The following SH2D4B variants were observed in gnomAD, a reference collection of about 807,000 sequenced individuals.
SH2D4B encodes SH2 domain-containing protein 4B.
In SH2D4B, 45 loss-of-function variants were observed where a neutral mutation model predicts 61.5. The ratio of observed to expected loss-of-function variants is 0.73; its 90% CI spans 0.58 to 0.94. The LOEUF is 0.94. SH2D4B is among the 40% of genes least tolerant of loss of function. The pLI is 0.00. For missense variants in SH2D4B, 572 were observed against 574.2 expected (o/e 1.00, Z 0.04); for synonymous variants, 224 against 220.4 (o/e 1.02, Z -0.14).
At chr10:80,643,242 GTTCT>G (rs945525230) in intron 7 of SH2D4B, among the ~76,000 whole-genome samples, 6 of 149,248 alleles carry the variant, frequency 4.0e-5, no homozygotes, top group Non-Finnish European at 7.4e-5. Context: ...TCTTTAAGTG[GTTCT>G]TTTTTTTTTT....
chr10:80,583,716 C>T (rs1229271728), intron 3 of SH2D4B, among the ~76,000 whole-genome samples: 2 of 151,916 alleles, frequency 1.3e-5, no homozygotes, highest in Non-Finnish European at 2.9e-5. Flanking sequence ...AATGATAAGG[C>T]AGTTAGAAGA....
chr10:80,609,250 A>G (rs1451000303), intron 5 of SH2D4B, among the ~76,000 whole-genome samples, 174 bp from the exon 6 acceptor site: 1 of 152,068 alleles, frequency 6.6e-6, no homozygotes, highest in Admixed American at 6.5e-5. Flanking sequence ...TATGGGCACC[A>G]TGCTTAGCAT....
chr10:80,628,929 C>G (rs1207318649), intron 6 of SH2D4B, among the ~76,000 whole-genome samples: 1 of 151,636 alleles, frequency 6.6e-6, no homozygotes, highest in Non-Finnish European at 1.5e-5. Context: ...ACTCAGGAGC[C>G]TGAGGCAGGA....
rs540173722 is a variant in SH2D4B, at chr10:80,572,921, G to A, written c.495+1343G>A. 1.2e-3 allele frequency among the ~76,000 whole-genome samples: 134 copies of A among 110,086 alleles called. 1 individual carries two copies. The highest frequency in any genetic ancestry group is 4.2e-3 in the African/African-American group (124 of 29,820). 72.2% of individuals were successfully genotyped at this position (110,086 alleles called of 152,430 possible). A position where few individuals can be genotyped will look rare whatever the true frequency, so the allele number is the denominator to read the frequency against. ...GTGTGAGCCACTGCACCCGACCAAT[G>A]TTGGCCTTTTCATGTATGTTGCAAA... On this transcript the variant is annotated intron_variant, in intron 3 of 7. Transcript: ENST00000646907.
chr10:80,634,158 C>A (rs908346795), intron 6 of SH2D4B, 127 bp from the exon 7 acceptor site: 1 of 1,257,006 alleles, frequency 8.0e-7, no homozygotes, highest in Non-Finnish European at 1.0e-6. Context: ...TCCTTCCTGC[C>A]ACCCTGGACT....
intron 1 of SH2D4B, among the ~76,000 whole-genome samples, chr10:80,543,967 A>G (rs538548110): frequency 3.3e-5 from 4 of 121,470 alleles, no homozygotes; most frequent in Non-Finnish European, 6.7e-5. Flanking sequence ...GTCAAAACAG[A>G]CCACTCGGCT....
chr10:80,639,084 A>G (rs1432289761), intron 7 of SH2D4B, among the ~76,000 whole-genome samples: 1 of 152,206 alleles, frequency 6.6e-6, no homozygotes, highest in Non-Finnish European at 1.5e-5. Context: ...GTTTCCATGT[A>G]GTTGTGCAGT....
rs1840387781 is a variant in SH2D4B at position 80,645,792 on chromosome 10, A to C, written c.*1707A>C. 1 of 152,204 alleles carries C rather than the reference A, an allele frequency of 6.6e-6. No individual in the cohort carries two copies. Among genetic ancestry groups the C allele is most frequent in the Non-Finnish European group, 1.5e-5 (1 of 68,038 alleles). 9.4% of individuals were successfully genotyped at this position (152,204 alleles called of 1,614,324 possible). A position where few individuals can be genotyped will look rare whatever the true frequency, so the allele number is the denominator to read the frequency against. On this transcript the variant is annotated 3_prime_UTR_variant, in exon 8 of 8. Transcript: ENST00000646907. Reference sequence around the variant, plus strand: ...CCAGGATAAGAACCCATTATACAGAAGTGTTCAATAATATCAATTTTGCAA... The same window carrying C: ...CCAGGATAAGAACCCATTATACAGACGTGTTCAATAATATCAATTTTGCAA...
chr10:80,608,728 A>G (rs1229191344), intron 5 of SH2D4B, among the ~76,000 whole-genome samples: 1 of 151,952 alleles, frequency 6.6e-6, no homozygotes, highest in Non-Finnish European at 1.5e-5. Flanking sequence ...TTCCATCCGT[A>G]GTTACCAACG....
chr10:80,590,189 A>C (rs1009294766), intron 4 of SH2D4B, among the ~76,000 whole-genome samples: 8 of 152,142 alleles, frequency 5.3e-5, no homozygotes, highest in African/African-American at 1.9e-4. Flanking sequence ...CAGGCTAGGC[A>C]GGCTTCGGAT....
At chr10:80,596,730 A>C (rs1206738416) in intron 4 of SH2D4B, among the ~76,000 whole-genome samples, 1 of 152,214 alleles carries the variant, frequency 6.6e-6, no homozygotes, top group African/African-American at 2.4e-5. Flanking sequence ...AGTTTGTTTG[A>C]AATAACAGAA....
intron 6 of SH2D4B, among the ~76,000 whole-genome samples, chr10:80,615,012 G>A (rs1257583291): frequency 6.6e-6 from 1 of 152,228 alleles, no homozygotes; most frequent in African/African-American, 2.4e-5. Context: ...CATCCTGCAG[G>A]GAGGAAACCC....
intron 4 of SH2D4B, among the ~76,000 whole-genome samples, chr10:80,595,827 G>C (rs568230769): frequency 6.6e-6 from 1 of 152,340 alleles, no homozygotes; most frequent in African/African-American, 2.4e-5. Flanking sequence ...CCTATCATTG[G>C]TTTATGGGAG....
chr10:80,626,001 G>A (rs1250477928), intron 6 of SH2D4B, among the ~76,000 whole-genome samples: 1 of 152,130 alleles, frequency 6.6e-6, no homozygotes, highest in Non-Finnish European at 1.5e-5. Context: ...ACTCCCTACT[G>A]CTAAGATATT....
intron 5 of SH2D4B, 125 bp from the exon 6 acceptor site, chr10:80,609,299 C>T: frequency 3.7e-6 from 3 of 817,650 alleles, no homozygotes; most frequent in Non-Finnish European, 3.6e-6. Flanking sequence ...CCTTCTTCCA[C>T]CCCCCCTTCC....
At chr10:80,604,339 C>CT (rs1328824659) in intron 5 of SH2D4B, among the ~76,000 whole-genome samples, 1 of 152,214 alleles carries the variant, frequency 6.6e-6, no homozygotes, top group Non-Finnish European at 1.5e-5. Flanking sequence ...ACTTAGGTGA[C>CT]TGTCCGAAAT....
chr10:80,614,811 CA>C, intron 6 of SH2D4B, among the ~76,000 whole-genome samples: 1 of 152,366 alleles, frequency 6.6e-6, no homozygotes, highest in East Asian at 1.9e-4. Flanking sequence ...GGGCTGGCCA[CA>C]GGGTAGGTGC....
intron 6 of SH2D4B, among the ~76,000 whole-genome samples, chr10:80,626,542 A>G (rs1389283349): frequency 6.6e-6 from 1 of 152,136 alleles, no homozygotes; most frequent in Non-Finnish European, 1.5e-5. Flanking sequence ...TTCCCATTCC[A>G]TCTGCCATGT....
chr10:80,593,051 T>G (rs1045822959), intron 4 of SH2D4B, among the ~76,000 whole-genome samples: 1 of 152,174 alleles, frequency 6.6e-6, no homozygotes, highest in Non-Finnish European at 1.5e-5. Flanking sequence ...TTCCATTGAT[T>G]TATATGTCTG....
Sources: gnomAD v4.1 joint callset for allele counts (sites outside exome capture counted in the v4.1 genomes callset) on GRCh38, gnomAD v4.1.1 for gene constraint, MANE v1.5 for transcripts, NCBI Gene and HGNC (gene_info 2026-07-23, HGNC 2026-07-21) for gene names.